NFX1: variants seen among roughly 807,000 people sequenced by gnomAD.
NFX1 encodes transcriptional repressor NF-X1.
Under a neutral mutation model 137.2 loss-of-function variants are expected in NFX1, and 69 were observed. That is an observed-to-expected ratio of 0.50 (90% CI 0.41 to 0.61). The LOEUF (loss-of-function observed/expected upper bound fraction) is 0.61, where lower values mean the gene tolerates loss of function less well. Among genes scored for constraint, NFX1 ranks in the 20% least tolerant of loss-of-function variants. The pLI is 0.00. For synonymous variants in NFX1, 495 were observed against 474.1 expected, an observed-to-expected ratio of 1.04 and a Z score of -0.57; for missense variants, 1,167 against 1,391.0, an observed-to-expected ratio of 0.84 and a Z score of 2.56.
chr9:33,323,288 G>A (rs1822452961), intron 9 of NFX1, among the ~76,000 whole-genome samples: 1 of 152,182 alleles, frequency 6.6e-6, no homozygotes, highest in African/African-American at 2.4e-5. Context: ...AAAACAAGCT[G>A]TGGAGAGGGG....
intron 20 of NFX1, among the ~76,000 whole-genome samples, chr9:33,364,339 G>T (rs1417589163): frequency 6.6e-6 from 1 of 152,174 alleles, no homozygotes; most frequent in Non-Finnish European, 1.5e-5. Context: ...TTTGGGTGGG[G>T]TGGTGGTAAG....
intron 14 of NFX1, among the ~76,000 whole-genome samples, chr9:33,346,488 A>G (rs1823425972): frequency 6.6e-6 from 1 of 152,166 alleles, no homozygotes; most frequent in Non-Finnish European, 1.5e-5. Flanking sequence ...TCACATGAAG[A>G]TGGGCTAAAT....
intron 2 of NFX1, among the ~76,000 whole-genome samples, chr9:33,298,929 T>A (rs576140720): frequency 6.6e-6 from 1 of 152,172 alleles, no homozygotes; most frequent in Non-Finnish European, 1.5e-5. Flanking sequence ...AACAATTGGA[T>A]AGATTTTGGA....
Position 33,352,651 on chromosome 9 carries a change from G to A in NFX1, c.2661G>A (p.Glu887=). Residue 887 remains glutamate, a synonymous_variant, in exon 17 of 24, where the codon GAG becomes GAA. Transcript: ENST00000379540. ...CPVTACKAKV[E]LQCECGRRKE... is the part of the protein sequence containing the mutation. ...CCATGTTCATCTGACTTCAGGTAGA[G>A]CTACAGTGTGAATGTGGACGAAGAA... is the stretch of plus-strand genomic sequence containing the variant. 3 of 1,614,142 alleles carry A rather than the reference G, an allele frequency of 1.9e-6. No individual in the cohort carries two copies. Among genetic ancestry groups the A allele is most frequent in the East Asian group, 2.2e-5 (1 of 44,888 alleles).
chr9:33,327,378 C>T (rs965437867), intron 9 of NFX1, among the ~76,000 whole-genome samples: 14 of 151,780 alleles, frequency 9.2e-5, no homozygotes, highest in African/African-American at 3.1e-4. Flanking sequence ...ACTATATGCT[C>T]TCTTGAGATG....
intron 5 of NFX1, among the ~76,000 whole-genome samples, chr9:33,308,525 T>TG (rs1462106557): frequency 6.6e-6 from 1 of 152,214 alleles, no homozygotes. Flanking sequence ...GAAAAACAGT[T>TG]GATCAGTTAC....
chr9:33,345,554 A>G (rs1484063765), intron 14 of NFX1, among the ~76,000 whole-genome samples: 2 of 152,136 alleles, frequency 1.3e-5, no homozygotes, highest in Non-Finnish European at 2.9e-5. Context: ...ATTATACCTT[A>G]TATGTATTTC....
chr9:33,345,476 CAA>C (rs1010467494), intron 14 of NFX1, among the ~76,000 whole-genome samples: 1 of 142,976 alleles, frequency 7.0e-6, no homozygotes, highest in South Asian at 2.2e-4. Flanking sequence ...GACTCTGTCT[CAA>C]AAAAAAAAGA....
At chr9:33,359,293 G>A (rs1350256560) in intron 19 of NFX1, among the ~76,000 whole-genome samples, 1 of 151,776 alleles carries the variant, frequency 6.6e-6, no homozygotes, top group Non-Finnish European at 1.5e-5. Flanking sequence ...GTTGAATGGA[G>A]GGTGGTAATA....
chr9:33,302,877 C>T (rs1008538543), intron 3 of NFX1, among the ~76,000 whole-genome samples: 1 of 151,574 alleles, frequency 6.6e-6, no homozygotes, highest in African/African-American at 2.4e-5. Flanking sequence ...ATCATGTTAG[C>T]CAGGGTGGTC....
chr9:33,355,454 T>TTATTTTTGTCTGGCTTCTTTCGTTA (rs1823777191), intron 19 of NFX1, among the ~76,000 whole-genome samples: 1 of 152,204 alleles, frequency 6.6e-6, no homozygotes, highest in African/African-American at 2.4e-5. Context: ...GTAGTTTGTA[T>TTATTTTTGTCTGGCTTCTTTCGTTA]TATTTTTGTC....
intron 6 of NFX1, 118 bp downstream of exon 6, chr9:33,311,295 A>C: frequency 2.2e-6 from 2 of 925,008 alleles, no homozygotes; most frequent in Admixed American, 2.2e-5. Flanking sequence ...CATGAATAGT[A>C]CTTTTTTTTT....
chr9:33,330,692 G>A (rs1452441190), intron 10 of NFX1, among the ~76,000 whole-genome samples: 1 of 152,136 alleles, frequency 6.6e-6, no homozygotes, highest in African/African-American at 2.4e-5. Flanking sequence ...CTATCTCTAC[G>A]TTTTCTTGCT....
intron 4 of NFX1, among the ~76,000 whole-genome samples, chr9:33,305,288 A>G (rs1821712924): frequency 6.6e-6 from 1 of 152,242 alleles, no homozygotes; most frequent in Admixed American, 6.5e-5. Context: ...GAGGAGGTAG[A>G]ATTGAACTGG....
At chr9:33,327,773 G>C (rs1238495120) in intron 9 of NFX1, among the ~76,000 whole-genome samples, 1 of 152,104 alleles carries the variant, frequency 6.6e-6, no homozygotes, top group Non-Finnish European at 1.5e-5. Context: ...ATCCCCATAG[G>C]GTCCTGGAAA....
At chr9:33,331,401 T>G (rs548936492) in intron 10 of NFX1, among the ~76,000 whole-genome samples, 18 of 152,324 alleles carry the variant, frequency 1.2e-4, no homozygotes, top group Admixed American at 9.8e-4. Context: ...CATGCTATAT[T>G]TAAGTCTTTA....
chr9:33,299,527 C>CT (rs1315783597), intron 2 of NFX1, among the ~76,000 whole-genome samples: 2 of 151,990 alleles, frequency 1.3e-5, no homozygotes, highest in Non-Finnish European at 2.9e-5. Flanking sequence ...TCTACAAAAA[C>CT]TAACAAAAAA....
At chr9:33,302,124 G>A (rs566883545) in intron 3 of NFX1, among the ~76,000 whole-genome samples, 2 of 151,968 alleles carry the variant, frequency 1.3e-5, no homozygotes, top group African/African-American at 2.4e-5. Flanking sequence ...CTATGCATAC[G>A]TAATAGTTTA....
intron 6 of NFX1, among the ~76,000 whole-genome samples, chr9:33,312,148 T>A (rs1821985144): frequency 1.3e-5 from 2 of 152,126 alleles, no homozygotes; most frequent in South Asian, 4.1e-4. Context: ...ATCATGCAGA[T>A]TTTCGGTGAG....
Sources: gnomAD v4.1 joint callset for allele counts (sites outside exome capture counted in the v4.1 genomes callset) on GRCh38, gnomAD v4.1.1 for gene constraint, MANE v1.5 for transcripts, NCBI Gene and HGNC (gene_info 2026-07-23, HGNC 2026-07-21) for gene names.